The following ZNF667 variants were observed in gnomAD, a reference collection of about 807,000 sequenced individuals.
The protein encoded by ZNF667 is zinc finger protein 667.
Under a neutral mutation model 31.8 loss-of-function variants are expected in ZNF667, and 13 were observed. The observed-to-expected ratio is 0.41, with a 90% CI of 0.27 to 0.65. The LOEUF is 0.65. Ranked by LOEUF, ZNF667 falls within the 30% of genes least tolerant of loss-of-function variation. ZNF667 has a pLI of 0.32. For missense variants in ZNF667, 642 were observed against 725.6 expected (o/e 0.88, Z 1.32); for synonymous variants, 228 against 247.1 (o/e 0.92, Z 0.73).
intron 6 of ZNF667, among the ~76,000 whole-genome samples, chr19:56,452,342 C>G (rs1303060972): frequency 1.3e-5 from 2 of 151,878 alleles, no homozygotes; most frequent in African/African-American, 2.4e-5. Context: ...GAGCCACCAC[C>G]CCCGGCCTGA....
At chr19:56,472,626 C>T (rs1199408864) in intron 2 of ZNF667, 1 of 151,994 alleles carries the variant, frequency 6.6e-6, no homozygotes, top group Non-Finnish European at 1.5e-5. Context: ...CACTCTACTT[C>T]ATGAACAGTA....
At chr19:56,461,635 G>A (rs1031731568) in intron 4 of ZNF667, among the ~76,000 whole-genome samples, 2 of 152,158 alleles carry the variant, frequency 1.3e-5, no homozygotes, top group African/African-American at 4.8e-5. Context: ...GTGCTGTTTT[G>A]AGCTGCCAAG....
chr19:56,459,340 T>A (rs577392454), intron 5 of ZNF667, among the ~76,000 whole-genome samples: 17 of 152,334 alleles, frequency 1.1e-4, no homozygotes, highest in African/African-American at 3.8e-4. Flanking sequence ...TGTTTTGTGG[T>A]GCCAGGGTGG....
In ZNF667 at chr19:56,441,281, G is replaced by T; in HGVS notation, c.1714C>A (p.Arg572=). The T allele has an allele frequency of 1.2e-6, 2 of 1,613,868 alleles. No individual in the cohort carries two copies. The highest frequency in any genetic ancestry group is 2.2e-5 in the South Asian group (2 of 91,080). The change falls in exon 7 of 7, where the codon CGA becomes AGA. Residue 572 remains arginine, a synonymous_variant. Coordinates refer to ENST00000504904, the MANE Select transcript of ZNF667 (RefSeq NM_001321356.2). The surrounding 1 kb of genome is among the most constrained non-coding windows in gnomAD (Gnocchi z 4.2). ...TCTGAAGAATGACTTCTCTGATGTC[G>T]AATAAGGTCTGAGCCACTGCTAAAT... ...KAFSSGSDLI[R]HQRSHSSEKP... is the part of the protein sequence containing the mutation.
chr19:56,463,154 T>C (rs2043085227), intron 3 of ZNF667, among the ~76,000 whole-genome samples: 1 of 151,864 alleles, frequency 6.6e-6, no homozygotes, highest in Non-Finnish European at 1.5e-5. Flanking sequence ...ATCTCAAGTG[T>C]GACATCACTG....
At chr19:56,473,354 ACGTAACACATTTAGAGTGGTGC>A (rs774697650) in intron 2 of ZNF667, among the ~76,000 whole-genome samples, 58 of 152,216 alleles carry the variant, frequency 3.8e-4, no homozygotes, top group Non-Finnish European at 7.3e-4. Context: ...GAGTCAAAAT[ACGTAACACATTTAGAGTGGTGC>A]CAGGAAGCAG....
chr19:56,469,490 G>C (rs2043239191), intron 3 of ZNF667, among the ~76,000 whole-genome samples: 1 of 152,178 alleles, frequency 6.6e-6, no homozygotes, highest in African/African-American at 2.4e-5. Flanking sequence ...TCTGGAGGGA[G>C]TTGTAAGAAT....
intron 6 of ZNF667, among the ~76,000 whole-genome samples, chr19:56,455,042 C>T (rs2042904085): frequency 6.6e-6 from 1 of 152,122 alleles, no homozygotes; most frequent in Non-Finnish European, 1.5e-5. Flanking sequence ...TTCTCAAAGA[C>T]ATACGTACAC....
chr19:56,465,858 C>A (rs1489071223), intron 3 of ZNF667, among the ~76,000 whole-genome samples: 1 of 152,230 alleles, frequency 6.6e-6, no homozygotes, highest in Non-Finnish European at 1.5e-5. Context: ...CCATTCCCTA[C>A]ACGGATATAA....
intron 6 of ZNF667, 117 bp from the exon 7 acceptor site, chr19:56,442,858 A>G (rs2042645037): frequency 1.5e-6 from 2 of 1,331,152 alleles, no homozygotes; most frequent in African/African-American, 3.0e-5. Flanking sequence ...TTACCAAAAC[A>G]TAACTTTTTA....
chr19:56,442,391 A>G lies in ZNF667; in HGVS notation c.604T>C (p.Cys202Arg), dbSNP rs1277592344. 1 of 1,614,124 alleles carries G rather than the reference A, an allele frequency of 6.2e-7. No individual in the cohort carries two copies. The change falls in exon 7 of 7, where the codon TGC (cysteine) becomes CGC (arginine). Residue 202 changes from cysteine to arginine, a missense_variant. By Grantham distance (180) the Cys-to-Arg change is radical. Transcript: ENST00000504904. ...TTGAAGCTTTCCCCACATTTATTGC[A>G]TTCATGGCTTTTCTTTCCACTGTGA... The part of the protein sequence containing the change: ...RIHSGKKSHE[C>R]NKCGESFNQR...
intron 3 of ZNF667, chr19:56,468,670 G>C (rs2043219073): frequency 6.6e-6 from 1 of 152,180 alleles, no homozygotes. Flanking sequence ...CCGATATTTT[G>C]GGTTCACAGA....
At position 56,441,930 on chromosome 19, in the gene ZNF667, C is replaced by A. The variant is rs1287171553; in HGVS notation, c.1065G>T (p.Glu355Asp). Residue 355 changes from glutamate (E) to aspartate (D), a missense_variant, in exon 7 of 7, where the codon GAG becomes GAT. Transcript: ENST00000504904. The surrounding 1 kb of genome is among the most constrained non-coding windows in gnomAD (Gnocchi z 4.2). ...LMLHQRIHTS[E>D]KPYKCDKCDK... The stretch of plus-strand genomic sequence containing the variant: ...CACATTTATCACATTTGTACGGTTT[C>A]TCTGAAGTGTGAATTCTCTGGTGAA... 6.2e-7 allele frequency: 1 copy of A among 1,614,158 alleles called. No individual in the cohort carries two copies. The highest frequency in any genetic ancestry group is 8.5e-7 in the Non-Finnish European group (1 of 1,180,030).
At chr19:56,443,754 G>T (rs764724638) in intron 6 of ZNF667, among the ~76,000 whole-genome samples, 15 of 152,120 alleles carry the variant, frequency 9.9e-5, no homozygotes, top group Admixed American at 9.8e-4. Context: ...CAGAAAAATA[G>T]GTAAGAGATT....
chr19:56,462,612 C>T (rs2043070948), intron 3 of ZNF667, among the ~76,000 whole-genome samples, 183 bp from the exon 4 acceptor site: 1 of 152,194 alleles, frequency 6.6e-6, no homozygotes, highest in African/African-American at 2.4e-5. Context: ...AAGGGCACGG[C>T]CAACCCTTTT....
rs368623373 is a variant in ZNF667, at chr19:56,442,131, T to G, written c.864A>C (p.Arg288Ser). 19 of 1,613,216 alleles carry G rather than the reference T, an allele frequency of 1.2e-5. No individual in the cohort carries two copies. Among genetic ancestry groups the G allele is most frequent in the Non-Finnish European group, 1.6e-5 (19 of 1,179,752 alleles). ...CAAAGACTGATTTCTTTTTGAAGCC[T>G]CTCCCACATTTATTATATTTATGTG... ...KKTHKYNKCG[R>S]GFKKKSVFVV... Residue 288 changes from arginine (R) to serine (S), a missense_variant, in exon 7 of 7, where the codon AGA (arginine) becomes AGC (serine). By Grantham distance (110) the Arg-to-Ser change is moderately radical (BLOSUM62 -1). Coordinates refer to ENST00000504904, the MANE Select transcript of ZNF667 (RefSeq NM_001321356.2).
intron 4 of ZNF667, among the ~76,000 whole-genome samples, chr19:56,461,697 A>G (rs1412074544): frequency 6.6e-6 from 1 of 152,170 alleles, no homozygotes; most frequent in Non-Finnish European, 1.5e-5. Flanking sequence ...ACCCAACTGA[A>G]AGCAAACACA....
At chr19:56,455,966 C>T (rs945475215) in intron 6 of ZNF667, among the ~76,000 whole-genome samples, 1 of 152,178 alleles carries the variant, frequency 6.6e-6, no homozygotes, top group Non-Finnish European at 1.5e-5. Flanking sequence ...TTCAAACCTT[C>T]TACTGCATCT....
chr19:56,444,121 T>G (rs2147675543), intron 6 of ZNF667: 1 of 397,896 alleles, frequency 2.5e-6, no homozygotes, highest in East Asian at 3.6e-5. Flanking sequence ...ATTACTAAAA[T>G]TAATTTTACC....
Sources: gnomAD v4.1 joint callset for allele counts (sites outside exome capture counted in the v4.1 genomes callset) on GRCh38, gnomAD v4.1.1 for gene constraint, Gnocchi (gnomAD v3.1) non-coding constraint, MANE v1.5 for transcripts, NCBI Gene and HGNC (gene_info 2026-07-23, HGNC 2026-07-21) for gene names.